Variants in VEPH1 observed in about 807,000 individuals in gnomAD.
VEPH1 encodes the protein ventricular zone-expressed PH domain-containing protein homolog 1.
A neutral mutation model predicts 85.2 loss-of-function variants in VEPH1; 80 were observed. That is an observed-to-expected ratio of 0.94 (90% CI 0.78 to 1.13). The LOEUF (loss-of-function observed/expected upper bound fraction) is 1.13. VEPH1 is among the 50% of genes most tolerant of loss of function. The probability of loss-of-function intolerance (pLI) is 0.00; values close to 1 mark genes in which losing one functional copy is unlikely to be tolerated. For synonymous variants in VEPH1, 297 were observed against 348.0 expected, an observed-to-expected ratio of 0.85 and a Z score of 1.63; for missense variants, 955 against 980.5, an observed-to-expected ratio of 0.97 and a Z score of 0.35.
intron 4 of VEPH1, among the ~76,000 whole-genome samples, chr3:157,455,681 G>A (rs1257112483): frequency 6.6e-6 from 1 of 152,042 alleles, no homozygotes; most frequent in African/African-American, 2.4e-5. Flanking sequence ...GCGGTATTTG[G>A]TTTCCTGTTC....
intron 4 of VEPH1, among the ~76,000 whole-genome samples, chr3:157,458,214 T>G (rs1481133903): frequency 2.6e-5 from 4 of 152,168 alleles, no homozygotes; most frequent in Admixed American, 6.6e-5. Context: ...TAATATCACC[T>G]TGTTGTTTCT....
chr3:157,286,502 G>T, intron 12 of VEPH1, 55 bp downstream of exon 12: 1 of 1,413,580 alleles, frequency 7.1e-7, no homozygotes, highest in Non-Finnish European at 1.0e-6. Flanking sequence ...GGAGCTGACA[G>T]ATCCCTGTAA....
chr3:157,437,615 A>C (rs1473928081), intron 4 of VEPH1: 7 of 1,565,298 alleles, frequency 4.5e-6, no homozygotes, highest in African/African-American at 2.7e-5. Flanking sequence ...CAAGCCACGG[A>C]CGACGTCCTG....
In VEPH1 at chr3:157,495,494, T is replaced by C; in HGVS notation, c.-145A>G. Reference sequence around the variant, plus strand: ...CATTTTTCTCCAGACTTTGAGGTCTTCATTGACACTCTCTGCAAGGGAAAC... The same window carrying C: ...CATTTTTCTCCAGACTTTGAGGTCTCCATTGACACTCTCTGCAAGGGAAAC... On this transcript the variant is annotated 5_prime_UTR_variant, in exon 2 of 14. It removes the in-frame stop codon of an upstream open reading frame in the 5' UTR. Transcript: ENST00000362010. The C allele has an allele frequency of 6.7e-7, 1 of 1,483,194 alleles. No homozygotes were observed. Among genetic ancestry groups the C allele is most frequent in the Non-Finnish European group, 8.9e-7 (1 of 1,120,418 alleles). The allele number at this position is 1,483,194 out of a possible 1,614,324, so 91.9% of individuals were successfully genotyped here.
intron 2 of VEPH1, among the ~76,000 whole-genome samples, 170 bp downstream of exon 2, chr3:157,495,042 C>G (rs1739548615): frequency 6.6e-6 from 1 of 152,140 alleles, no homozygotes; most frequent in African/African-American, 2.4e-5. Context: ...CCATGACTTC[C>G]CTACTGATAT....
At position 157,427,186 on chromosome 3, in the gene VEPH1, C is replaced by T. The variant is rs147085638; in HGVS notation, c.696+1136G>A. Among the ~76,000 whole-genome samples, 7 of 152,188 alleles carry T rather than the reference C, an allele frequency of 4.6e-5. No homozygotes were observed. The East Asian group carries it at 5.8e-4, about 13-fold the overall frequency. On this transcript the variant is annotated intron_variant, in intron 5 of 13. Transcript: ENST00000362010. Reference sequence around the variant, plus strand: ...TATTTTTAGTAGAAACAGGGTTTCACGGTGTTGGTCCTGTTGGTTGAACTC... The same window carrying T: ...TATTTTTAGTAGAAACAGGGTTTCATGGTGTTGGTCCTGTTGGTTGAACTC...
chr3:157,459,607 A>C, intron 4 of VEPH1: 1 of 972,298 alleles, frequency 1.0e-6, no homozygotes. Flanking sequence ...AAAATAAAAG[A>C]AGACAAGGAG....
intron 11 of VEPH1, among the ~76,000 whole-genome samples, chr3:157,290,282 A>G (rs1717325958): frequency 6.6e-6 from 1 of 152,182 alleles, no homozygotes; most frequent in African/African-American, 2.4e-5. Context: ...ATGAGTTTGA[A>G]AGCAGATCCT....
At chr3:157,273,153 G>A (rs1466076191) in intron 12 of VEPH1, among the ~76,000 whole-genome samples, 3 of 152,216 alleles carry the variant, frequency 2.0e-5, no homozygotes, top group Non-Finnish European at 2.9e-5. Context: ...TAGCATTCAT[G>A]TTATTCTTGT....
chr3:157,282,024 G>T lies in VEPH1; in HGVS notation c.2128+4533C>A, dbSNP rs374486815. ...AAAAATAATCTAGCTCGCATGAAGG[G>T]TGCCCCCAAAGGAGACCCACAACTG... On this transcript the variant is annotated intron_variant, in intron 12 of 13. Transcript: ENST00000362010. 6.6e-5 allele frequency among the ~76,000 whole-genome samples: 10 copies of T among 152,092 alleles called. No individual in the cohort carries two copies. In the South Asian group the frequency reaches 2.1e-3, roughly 32 times the overall value.
chr3:157,382,629 G>A (rs1023121454), intron 6 of VEPH1, among the ~76,000 whole-genome samples: 1 of 151,932 alleles, frequency 6.6e-6, no homozygotes, highest in Non-Finnish European at 1.5e-5. Context: ...AATATATACT[G>A]GAAGTTGCTG....
intron 5 of VEPH1, among the ~76,000 whole-genome samples, chr3:157,421,215 G>T (rs1047377701): frequency 6.6e-6 from 1 of 152,192 alleles, no homozygotes; most frequent in Non-Finnish European, 1.5e-5. Flanking sequence ...TACCTTCACA[G>T]TCTCATGGAC....
intron 4 of VEPH1, among the ~76,000 whole-genome samples, chr3:157,456,020 A>T (rs145938312): frequency 6.6e-6 from 1 of 152,144 alleles, no homozygotes; most frequent in East Asian, 1.9e-4. Context: ...GTGTATAAGC[A>T]TTCCTTTTTC....
intron 2 of VEPH1, among the ~76,000 whole-genome samples, chr3:157,476,721 C>A (rs953935498): frequency 1.3e-5 from 2 of 152,192 alleles, no homozygotes; most frequent in African/African-American, 2.4e-5. Flanking sequence ...ACCTCAGGTT[C>A]TTTGTGTCAA....
chr3:157,486,937 G>A (rs1738712168), intron 2 of VEPH1, among the ~76,000 whole-genome samples: 1 of 152,020 alleles, frequency 6.6e-6, no homozygotes, highest in African/African-American at 2.4e-5. Context: ...TGAGTCAGAG[G>A]AAGTCACAAT....
intron 6 of VEPH1, among the ~76,000 whole-genome samples, chr3:157,411,150 G>A (rs993736914): frequency 6.6e-6 from 1 of 152,180 alleles, no homozygotes; most frequent in Non-Finnish European, 1.5e-5. Flanking sequence ...TGGACCATGA[G>A]ACAGAAGCTA....
intron 6 of VEPH1, among the ~76,000 whole-genome samples, chr3:157,404,236 G>T (rs139150513): frequency 2.0e-5 from 3 of 152,198 alleles, no homozygotes; most frequent in Non-Finnish European, 2.9e-5. Context: ...ATTACTTGAG[G>T]GGGGGTTATG....
intron 2 of VEPH1, among the ~76,000 whole-genome samples, chr3:157,494,780 CA>C (rs766130663): frequency 6.4e-4 from 98 of 152,268 alleles, no homozygotes; most frequent in Non-Finnish European, 1.2e-3. Context: ...ACCTGCGTGG[CA>C]GGAGGTGTCA....
At chr3:157,301,344 A>T (rs1201466655) in intron 11 of VEPH1, among the ~76,000 whole-genome samples, 1 of 152,034 alleles carries the variant, frequency 6.6e-6, no homozygotes, top group Non-Finnish European at 1.5e-5. Flanking sequence ...CATTTTCTTC[A>T]CTCAGGAAAT....
Sources: allele counts gnomAD v4.1 joint callset (sites outside exome capture counted in the v4.1 genomes callset), GRCh38; gene constraint gnomAD v4.1.1; transcripts MANE v1.5; gene names NCBI Gene and HGNC (gene_info 2026-07-23, HGNC 2026-07-21).